The following NEBL variants were observed in gnomAD, a reference collection of about 807,000 sequenced individuals.
The protein encoded by NEBL is nebulette, also known as LIM and SH3 protein 2.
Under a neutral mutation model 140.2 loss-of-function variants are expected in NEBL, and 122 were observed. The observed-to-expected ratio is 0.87, with a 90% CI of 0.75 to 1.01. NEBL has a LOEUF of 1.01. Among genes scored for constraint, NEBL ranks in the 50% least tolerant of loss-of-function variants. The probability of loss-of-function intolerance (pLI) is 0.00; values close to 1 mark genes in which losing one functional copy is unlikely to be tolerated. For synonymous variants in NEBL, 436 were observed against 398.9 expected (o/e 1.09, Z -1.11); for missense variants, 1,365 against 1,231.3 (o/e 1.11, Z -1.62).
chr10:21,057,651 G>A (rs1835089538), intron 2 of NEBL, among the ~76,000 whole-genome samples: 1 of 149,750 alleles, frequency 6.7e-6, no homozygotes, highest in African/African-American at 2.4e-5. Context: ...CGAGGCTCGA[G>A]CAATCCTCCC....
At chr10:21,075,403 T>A (rs1462038376) in intron 2 of NEBL, among the ~76,000 whole-genome samples, 1 of 152,208 alleles carries the variant, frequency 6.6e-6, no homozygotes, top group African/African-American at 2.4e-5. Context: ...TTCAGTATCC[T>A]GAAACAACAC....
At chr10:21,085,570 G>A (rs1836586329) in intron 2 of NEBL, among the ~76,000 whole-genome samples, 1 of 152,162 alleles carries the variant, frequency 6.6e-6, no homozygotes, top group South Asian at 2.1e-4. Flanking sequence ...AAGAGTTAGA[G>A]GCTGCAGTGA....
chr10:21,258,051 A>G (rs779927335), intron 1 of NEBL, among the ~76,000 whole-genome samples: 3 of 152,212 alleles, frequency 2.0e-5, no homozygotes, highest in Non-Finnish European at 4.4e-5. Flanking sequence ...TTGGAAGATG[A>G]TTCCGGGAAA....
chr10:20,817,014 G>A (rs946843993), intron 21 of NEBL, among the ~76,000 whole-genome samples: 2 of 152,096 alleles, frequency 1.3e-5, no homozygotes, highest in Admixed American at 6.6e-5. Context: ...CAGAAGCTAC[G>A]ACTGTGGGAC....
At chr10:21,247,647 G>T (rs1391527052) in intron 3 of NEBL, 1 of 152,114 alleles carries the variant, frequency 6.6e-6, no homozygotes, top group Non-Finnish European at 1.5e-5. Context: ...GCTTCCCCAA[G>T]TCCCTGGTAA....
At chr10:21,227,992 A>G (rs1255759617) in intron 3 of NEBL, among the ~76,000 whole-genome samples, 3 of 151,986 alleles carry the variant, frequency 2.0e-5, no homozygotes, top group African/African-American at 7.2e-5. Context: ...CAGTTCCAAA[A>G]TGGTCTGATT....
chr10:20,885,211 T>C (rs1428042105), intron 4 of NEBL, among the ~76,000 whole-genome samples: 2 of 152,230 alleles, frequency 1.3e-5, no homozygotes, highest in Non-Finnish European at 2.9e-5. Context: ...GTTAGTCCTT[T>C]AATTATCATA....
chr10:21,014,886 T>A (rs531934402), intron 3 of NEBL, among the ~76,000 whole-genome samples: 7 of 152,328 alleles, frequency 4.6e-5, no homozygotes, highest in Admixed American at 2.6e-4. Flanking sequence ...GTACTTCCTA[T>A]GAACCACGTT....
intron 3 of NEBL, among the ~76,000 whole-genome samples, chr10:20,979,832 G>A (rs532590312): frequency 5.9e-5 from 9 of 151,976 alleles, no homozygotes; most frequent in African/African-American, 2.2e-4. Context: ...TCAGCCTCCT[G>A]AGTAGCTGGG....
chr10:21,176,238 A>T (rs562022219), upstream of NEBL, among the ~76,000 whole-genome samples: 12 of 152,112 alleles, frequency 7.9e-5, no homozygotes, highest in Admixed American at 2.6e-4. Flanking sequence ...CCTGGGCTCA[A>T]GCGATCCTCC....
At chr10:20,866,299 G>A (rs1844284994) in intron 7 of NEBL, among the ~76,000 whole-genome samples, 2 of 152,082 alleles carry the variant, frequency 1.3e-5, no homozygotes, top group African/African-American at 4.8e-5. Flanking sequence ...GGATGGTGGT[G>A]AGGGTAGCAC....
chr10:20,869,960 T>G (rs1844752999), intron 5 of NEBL, 119 bp from the exon 6 acceptor site: 1 of 745,082 alleles, frequency 1.3e-6, no homozygotes, highest in Admixed American at 2.1e-5. Context: ...CCTACTGACC[T>G]TAAGTTGGCT....
chr10:20,963,853 C>A (rs138957953), intron 3 of NEBL, among the ~76,000 whole-genome samples: 1 of 152,272 alleles, frequency 6.6e-6, no homozygotes, highest in African/African-American at 2.4e-5. Flanking sequence ...TTGCAGGATT[C>A]CTATTTCTTT....
At chr10:21,097,903 T>C (rs1486152972) in intron 2 of NEBL, among the ~76,000 whole-genome samples, 1 of 152,202 alleles carries the variant, frequency 6.6e-6, no homozygotes, top group Non-Finnish European at 1.5e-5. Context: ...ACCTTCTGTA[T>C]ACCAATTTTT....
intron 3 of NEBL, among the ~76,000 whole-genome samples, chr10:21,229,431 G>A (rs1401720321): frequency 6.6e-6 from 1 of 152,018 alleles, no homozygotes; most frequent in Admixed American, 6.6e-5. Context: ...AGAAAAAAGT[G>A]GGGGAGGGAA....
chr10:21,098,788 G>T (rs1206420039), intron 2 of NEBL, among the ~76,000 whole-genome samples: 1 of 152,232 alleles, frequency 6.6e-6, no homozygotes, highest in Non-Finnish European at 1.5e-5. Context: ...CCTCTCACTT[G>T]AACAGTTGTT....
At chr10:21,238,671 C>A (rs1230239690) in intron 3 of NEBL, among the ~76,000 whole-genome samples, 1 of 136,434 alleles carries the variant, frequency 7.3e-6, no homozygotes, top group African/African-American at 2.7e-5. Context: ...CGCGCCATTA[C>A]ACTCCGGCCT....
At chr10:20,935,594 T>C (rs45547136) in intron 4 of NEBL, among the ~76,000 whole-genome samples, 1,810 of 152,336 alleles carry the variant, frequency 0.012, 18 homozygotes, top group Middle Eastern at 0.031. Context: ...ATCTGTGCCT[T>C]TTAATGAAAT....
At chr10:20,993,604 A>G (rs1049037913) in intron 3 of NEBL, among the ~76,000 whole-genome samples, 2 of 152,086 alleles carry the variant, frequency 1.3e-5, no homozygotes, top group Admixed American at 6.5e-5. Flanking sequence ...TGTTCTCACA[A>G]TGGGTTGCAG....
Sources: gnomAD v4.1 joint callset for allele counts (sites outside exome capture counted in the v4.1 genomes callset) on GRCh38, gnomAD v4.1.1 for gene constraint, MANE v1.5 for transcripts, NCBI Gene and HGNC (gene_info 2026-07-23, HGNC 2026-07-21) for gene names.